MACROD2: variants seen among roughly 807,000 people sequenced by gnomAD.
MACROD2 encodes ADP-ribose glycohydrolase MACROD2.
A neutral mutation model predicts 70.4 loss-of-function variants in MACROD2; 36 were observed. The observed-to-expected ratio is 0.51, with a 90% CI of 0.39 to 0.68. The LOEUF (loss-of-function observed/expected upper bound fraction) is 0.68, where lower values mean the gene tolerates loss of function less well. Ranked by LOEUF, MACROD2 falls within the 30% of genes least tolerant of loss-of-function variation. The pLI, the probability that MACROD2 is intolerant of heterozygous loss-of-function variation, is 0.00. For missense variants in MACROD2, 496 were observed against 538.4 expected, an observed-to-expected ratio of 0.92 and a Z score of 0.78; for synonymous variants, 172 against 178.8, an observed-to-expected ratio of 0.96 and a Z score of 0.30.
chr20:16,009,252 A>G (rs1307137427), intron 15 of MACROD2, among the ~76,000 whole-genome samples: 2 of 152,352 alleles, frequency 1.3e-5, no homozygotes, highest in East Asian at 1.9e-4. Flanking sequence ...ATGTTGCAGC[A>G]TGTACCATAG....
intron 5 of MACROD2, among the ~76,000 whole-genome samples, chr20:15,220,779 G>GT (rs988513957): frequency 2.6e-5 from 4 of 151,984 alleles, no homozygotes; most frequent in Admixed American, 2.6e-4. Flanking sequence ...AAATGGGGGG[G>GT]GCTCTCCAGA....
chr20:15,618,095 C>CTTTTTTTTT (rs398035424), intron 8 of MACROD2, among the ~76,000 whole-genome samples: 3 of 70,838 alleles, frequency 4.2e-5, no homozygotes, highest in Non-Finnish European at 7.6e-5. Context: ...CATCATTAGT[C>CTTTTTTTTT]TTTTTTTTTT....
intron 5 of MACROD2, among the ~76,000 whole-genome samples, chr20:14,784,668 TGG>T (rs3045608): frequency 0.14 from 13,656 of 94,734 alleles, 1,343 homozygotes; most frequent in East Asian, 0.21. Context: ...GTGTTTTAAG[TGG>T]GGGGGGGGGG....
chr20:15,997,554 G>A (rs932374854), intron 15 of MACROD2, among the ~76,000 whole-genome samples: 2 of 151,966 alleles, frequency 1.3e-5, no homozygotes, highest in Non-Finnish European at 2.9e-5. Context: ...TTTCGAATTC[G>A]GCAAGTTTAA....
chr20:14,005,407 T>C (rs1037529804), intron 2 of MACROD2, among the ~76,000 whole-genome samples: 1 of 152,216 alleles, frequency 6.6e-6, no homozygotes, highest in Non-Finnish European at 1.5e-5. Flanking sequence ...ATTCTTCCTC[T>C]GTGTTACCAA....
At chr20:15,043,728 C>T (rs911975224) in intron 5 of MACROD2, among the ~76,000 whole-genome samples, 1 of 152,152 alleles carries the variant, frequency 6.6e-6, no homozygotes, top group African/African-American at 2.4e-5. Context: ...CTTCAGATGC[C>T]AGTCACACAT....
At chr20:15,308,829 C>G (rs2077723823) in intron 6 of MACROD2, among the ~76,000 whole-genome samples, 1 of 152,190 alleles carries the variant, frequency 6.6e-6, no homozygotes, top group Non-Finnish European at 1.5e-5. Flanking sequence ...ACTCAGAGCT[C>G]AGCAACTCCA....
chr20:15,845,521 A>AT (rs1335344001), intron 8 of MACROD2, among the ~76,000 whole-genome samples: 1 of 152,128 alleles, frequency 6.6e-6, no homozygotes, highest in Non-Finnish European at 1.5e-5. Context: ...CATAGCAAGG[A>AT]ATAATCTTAC....
intron 3 of MACROD2, among the ~76,000 whole-genome samples, chr20:14,365,115 G>A (rs1027808920): frequency 6.6e-6 from 1 of 152,044 alleles, no homozygotes; most frequent in Admixed American, 6.6e-5. Flanking sequence ...GTCTTTGATG[G>A]GTGGTTTTTG....
At chr20:15,696,237 G>A (rs2050369024) in intron 8 of MACROD2, among the ~76,000 whole-genome samples, 1 of 152,164 alleles carries the variant, frequency 6.6e-6, no homozygotes. Flanking sequence ...ATTTTGCTGA[G>A]AGTTTTAATC....
At chr20:14,969,369 C>CACACACAA (rs1357286584) in intron 5 of MACROD2, among the ~76,000 whole-genome samples, 1 of 143,152 alleles carries the variant, frequency 7.0e-6, no homozygotes, top group Non-Finnish European at 1.5e-5. Flanking sequence ...TTTACACACA[C>CACACACAA]ACACACACAC....
At chr20:15,282,896 G>C (rs2077458160) in intron 6 of MACROD2, among the ~76,000 whole-genome samples, 1 of 152,100 alleles carries the variant, frequency 6.6e-6, no homozygotes, top group Admixed American at 6.5e-5. Flanking sequence ...CCTAAAACTG[G>C]GTAATTTATA....
chr20:14,551,723 C>G (rs1030025656), intron 4 of MACROD2, among the ~76,000 whole-genome samples: 3 of 152,052 alleles, frequency 2.0e-5, no homozygotes, highest in Non-Finnish European at 2.9e-5. Flanking sequence ...AAGAATAGAC[C>G]TTTGTATTTA....
chr20:15,282,027 G>C (rs559705354), intron 6 of MACROD2, among the ~76,000 whole-genome samples: 5 of 152,314 alleles, frequency 3.3e-5, no homozygotes, highest in Admixed American at 1.3e-4. Context: ...TCCAACCAAG[G>C]CTTGGGGCTT....
At chr20:14,053,760 A>T (rs1429703273) in intron 2 of MACROD2, 2 of 152,092 alleles carry the variant, frequency 1.3e-5, no homozygotes, top group African/African-American at 4.8e-5. Flanking sequence ...TGGAACTTAA[A>T]TTTTATTTTT....
chr20:15,349,755 C>A (rs868765585), intron 6 of MACROD2, among the ~76,000 whole-genome samples: 593 of 124,330 alleles, frequency 4.8e-3, no homozygotes, highest in Non-Finnish European at 4.9e-3. Context: ...AACTCAGTCT[C>A]AAAAAAAAAA....
intron 6 of MACROD2, among the ~76,000 whole-genome samples, chr20:15,419,150 T>C (rs566836712): frequency 9.2e-5 from 14 of 152,210 alleles, no homozygotes; most frequent in South Asian, 2.1e-4. Context: ...AGAGTGGGTA[T>C]TGGGGCAAAT....
chr20:14,423,004 T>A (rs1328306112), intron 3 of MACROD2, among the ~76,000 whole-genome samples: 1 of 152,232 alleles, frequency 6.6e-6, no homozygotes, highest in Non-Finnish European at 1.5e-5. Context: ...TTTTACTGCC[T>A]GAGTTCTAAA....
intron 5 of MACROD2, among the ~76,000 whole-genome samples, chr20:15,173,657 A>T (rs1435002269): frequency 6.6e-6 from 1 of 152,082 alleles, no homozygotes; most frequent in African/African-American, 2.4e-5. Flanking sequence ...AGACAGTTTT[A>T]AAGGGAAGTC....
Sources: allele counts gnomAD v4.1 joint callset (sites outside exome capture counted in the v4.1 genomes callset), GRCh38; gene constraint gnomAD v4.1.1; transcripts MANE v1.5; gene names NCBI Gene and HGNC (gene_info 2026-07-23, HGNC 2026-07-21).